Variants in ST6GAL2 observed in about 807,000 individuals in gnomAD.
ST6GAL2 encodes the protein ST6 beta-galactoside alpha-2,6-sialyltransferase 2.
In ST6GAL2, 24 loss-of-function variants were observed where a neutral mutation model predicts 37.5. That is an observed-to-expected ratio of 0.64 (90% CI 0.46 to 0.90). ST6GAL2 has a LOEUF of 0.90. Among genes scored for constraint, ST6GAL2 ranks in the 40% least tolerant of loss-of-function variants. ST6GAL2 has a pLI of 0.00. For synonymous variants in ST6GAL2, 306 were observed against 295.1 expected (o/e 1.04, Z -0.38); for missense variants, 715 against 712.7 (o/e 1.00, Z -0.04).
At chr2:106,825,221 T>C (rs1455984791) in intron 5 of ST6GAL2, among the ~76,000 whole-genome samples, 2 of 152,216 alleles carry the variant, frequency 1.3e-5, no homozygotes, top group African/African-American at 2.4e-5. Flanking sequence ...CATAAAAACA[T>C]TGGGCCTTCC....
At chr2:106,844,879 A>G (rs1242824415) in intron 1 of ST6GAL2, among the ~76,000 whole-genome samples, 1 of 152,242 alleles carries the variant, frequency 6.6e-6, no homozygotes. Context: ...TCTCCTCTGT[A>G]CAGCATTGCA....
intron 1 of ST6GAL2, among the ~76,000 whole-genome samples, chr2:106,849,188 G>A (rs1677259777): frequency 6.6e-6 from 1 of 152,120 alleles, no homozygotes; most frequent in South Asian, 2.1e-4. Context: ...CATTATTTAA[G>A]GTTGACACAG....
intron 1 of ST6GAL2, among the ~76,000 whole-genome samples, chr2:106,860,426 T>C (rs542691173): frequency 1.4e-3 from 208 of 152,180 alleles, no homozygotes; most frequent in African/African-American, 4.6e-3. Flanking sequence ...TGGGGGAGCC[T>C]GGGAAGGTCT....
chr2:106,875,075 G>A (rs1678443277), intron 1 of ST6GAL2, among the ~76,000 whole-genome samples: 1 of 151,994 alleles, frequency 6.6e-6, no homozygotes, highest in Non-Finnish European at 1.5e-5. Flanking sequence ...TCATTAGGCA[G>A]TCTGCCTGTT....
At chr2:106,858,583 C>G (rs976021983) in intron 1 of ST6GAL2, among the ~76,000 whole-genome samples, 3 of 152,028 alleles carry the variant, frequency 2.0e-5, no homozygotes, top group African/African-American at 7.2e-5. Context: ...TCCTTTTGGC[C>G]AAGGGAAGAT....
At chr2:106,830,861 T>G (rs757306706) in intron 4 of ST6GAL2, among the ~76,000 whole-genome samples, 1 of 152,182 alleles carries the variant, frequency 6.6e-6, no homozygotes, top group Non-Finnish European at 1.5e-5. Flanking sequence ...ATATTCCAGT[T>G]TTTCATTGTG....
rs189570233 is a variant in ST6GAL2, at chr2:106,806,879, C to T, written c.1389G>A (p.Thr463=). The T allele has an allele frequency of 2.8e-5, 46 of 1,614,112 alleles. No homozygotes were observed. Among genetic ancestry groups the T allele is most frequent in the African/African-American group, 2.3e-4 (17 of 75,008 alleles). The change falls in exon 6 of 6, where the codon ACG becomes ACA. Residue 463 remains threonine, a synonymous_variant. Coordinates refer to ENST00000409382, the MANE Select transcript of ST6GAL2 (RefSeq NM_001142351.2). ...ACAGCTCGTGGTAGTGGCACAGCTC[C>T]GTCTGCCGCACGGATGGGATATATT... ...VYEYIPSVRQ[T]ELCHYHELYY...
intron 2 of ST6GAL2, among the ~76,000 whole-genome samples, chr2:106,840,290 C>T (rs1676824642): frequency 1.3e-5 from 2 of 152,200 alleles, no homozygotes; most frequent in African/African-American, 4.8e-5. Context: ...CCCCAATATT[C>T]TAAGCTGCCT....
chr2:106,877,752 C>T (rs140949498), intron 1 of ST6GAL2, among the ~76,000 whole-genome samples: 1 of 152,338 alleles, frequency 6.6e-6, no homozygotes, highest in African/African-American at 2.4e-5. Flanking sequence ...ATAAAACAAA[C>T]AAACAAAAAC....
intron 1 of ST6GAL2, among the ~76,000 whole-genome samples, chr2:106,871,985 T>C (rs114496097): frequency 0.011 from 1,626 of 152,370 alleles, 11 homozygotes; most frequent in Non-Finnish European, 0.016. Context: ...CTGTATATAA[T>C]TGTATGTGAT....
chr2:106,869,459 G>T (rs1221141047), intron 1 of ST6GAL2, among the ~76,000 whole-genome samples: 1 of 152,138 alleles, frequency 6.6e-6, no homozygotes, highest in Admixed American at 6.5e-5. Flanking sequence ...TAAACTCAGG[G>T]ATAACTGCTC....
chr2:106,852,844 C>T (rs1178726494), intron 1 of ST6GAL2, among the ~76,000 whole-genome samples: 1 of 152,146 alleles, frequency 6.6e-6, no homozygotes, highest in Non-Finnish European at 1.5e-5. Context: ...GAAGGTATCC[C>T]AGGCTGCCAC....
chr2:106,838,919 C>G (rs1676755354), intron 2 of ST6GAL2, among the ~76,000 whole-genome samples: 7 of 151,964 alleles, frequency 4.6e-5, no homozygotes, highest in Admixed American at 4.6e-4. Context: ...GCCTGTAATC[C>G]CAGCTACTCG....
chr2:106,856,719 G>C (rs1434054369), intron 1 of ST6GAL2, among the ~76,000 whole-genome samples: 2 of 152,152 alleles, frequency 1.3e-5, no homozygotes. Context: ...GGTGAAGCTA[G>C]GACAGGACCT....
chr2:106,820,842 T>A (rs1579919), intron 5 of ST6GAL2, among the ~76,000 whole-genome samples: 5 of 151,970 alleles, frequency 3.3e-5, no homozygotes, highest in Admixed American at 2.6e-4. Context: ...ATTAAAAAGA[T>A]GAATTTTGGA....
intron 2 of ST6GAL2, among the ~76,000 whole-genome samples, chr2:106,835,308 C>T (rs1389466584): frequency 1.3e-5 from 2 of 152,172 alleles, no homozygotes; most frequent in East Asian, 1.9e-4. Context: ...TCCCCGAGCC[C>T]GCACAAGTGC....
chr2:106,871,758 C>T lies in ST6GAL2; in HGVS notation c.-58+14335G>A, dbSNP rs575797046. On this transcript the variant is annotated intron_variant, in intron 1 of 5. Coordinates refer to ENST00000409382, the MANE Select transcript of ST6GAL2 (RefSeq NM_001142351.2). ...TGGAAGGTCTTCAGGGGCAGTAACA[C>T]GCATGGAACTGCCATCACCTATGAA... Among the ~76,000 whole-genome samples, 60 of 152,304 alleles carry T rather than the reference C, an allele frequency of 3.9e-4. 1 individual carries two copies. Among genetic ancestry groups the T allele is most frequent in the South Asian group, 1.0e-3 (5 of 4,830 alleles).
chr2:106,844,394 T>C lies in ST6GAL2; in HGVS notation c.-57-360A>G, dbSNP rs373553411. 1.8e-3 allele frequency among the ~76,000 whole-genome samples: 279 copies of C among 152,222 alleles called. 1 individual carries two copies. The highest frequency in any genetic ancestry group is 5.6e-3 in the South Asian group (27 of 4,798). ...CCTGCCCACAAGTTCCCCCTACTTC[T>C]GAGATGATAAAATTCCAATTTGATA... On this transcript the variant is annotated intron_variant, in intron 1 of 5. Transcript: ENST00000409382.
At chr2:106,879,940 T>C (rs997853259) in intron 1 of ST6GAL2, among the ~76,000 whole-genome samples, 3 of 148,200 alleles carry the variant, frequency 2.0e-5, no homozygotes, top group African/African-American at 7.4e-5. Context: ...TTATATACTA[T>C]TATATATATA....
Sources: gnomAD v4.1 joint callset for allele counts (sites outside exome capture counted in the v4.1 genomes callset) on GRCh38, gnomAD v4.1.1 for gene constraint, MANE v1.5 for transcripts, NCBI Gene and HGNC (gene_info 2026-07-23, HGNC 2026-07-21) for gene names.